DPY19L4: variants seen among roughly 807,000 people sequenced by gnomAD.
The protein encoded by DPY19L4 is dpy-19 like 4.
In DPY19L4, 97 loss-of-function variants were observed where a neutral mutation model predicts 102.8. The observed-to-expected ratio is 0.94, with a 90% CI of 0.80 to 1.12. The LOEUF is 1.12. Ranked by LOEUF, DPY19L4 falls within the 50% of genes most tolerant of loss-of-function variation. DPY19L4 has a pLI of 0.00. For missense variants in DPY19L4, 815 were observed against 850.4 expected, an observed-to-expected ratio of 0.96 and a Z score of 0.52; for synonymous variants, 252 against 283.1, an observed-to-expected ratio of 0.89 and a Z score of 1.10.
At chr8:94,723,924 G>T (rs1448819438) in intron 1 of DPY19L4, among the ~76,000 whole-genome samples, 1 of 152,126 alleles carries the variant, frequency 6.6e-6, no homozygotes, top group Non-Finnish European at 1.5e-5. Flanking sequence ...TGATTGTTGA[G>T]ATTTGTATAC....
intron 8 of DPY19L4, among the ~76,000 whole-genome samples, chr8:94,762,999 A>G (rs1226379890): frequency 6.7e-6 from 1 of 150,200 alleles, no homozygotes; most frequent in Non-Finnish European, 1.5e-5. Flanking sequence ...CCCAGGCTGG[A>G]GTGCGGTGGC....
Position 94,790,191 on chromosome 8 carries a change from C to T in DPY19L4, c.*281C>T. 1 of 213,278 alleles carries T rather than the reference C, an allele frequency of 4.7e-6. No homozygotes were observed. The allele number at this position is 213,278 out of a possible 1,614,324, so 13.2% of individuals were successfully genotyped here. On this transcript the variant is annotated 3_prime_UTR_variant, in exon 19 of 19. Coordinates refer to ENST00000414645, the MANE Select transcript of DPY19L4 (RefSeq NM_181787.3). ...CTTTTACTGATTGCAATATTTTCCC[C>T]ATAAAATCTTCATTCTATTATAATA... is the stretch of plus-strand genomic sequence containing the variant.
At chr8:94,752,702 T>C (rs549837923) in intron 6 of DPY19L4, among the ~76,000 whole-genome samples, 1 of 141,342 alleles carries the variant, frequency 7.1e-6, no homozygotes, top group South Asian at 2.3e-4. Context: ...TCTCGCTCTG[T>C]CACCCAGGCT....
chr8:94,778,655 GTTTTTC>G (rs147719415), intron 14 of DPY19L4, among the ~76,000 whole-genome samples: 2,654 of 151,388 alleles, frequency 0.018, 62 homozygotes, highest in African/African-American at 0.055. Flanking sequence ...ACTCAATTCT[GTTTTTC>G]TTTTTCTTTC....
intron 1 of DPY19L4, among the ~76,000 whole-genome samples, chr8:94,724,781 T>A (rs1485808777): frequency 6.6e-6 from 1 of 152,128 alleles, no homozygotes; most frequent in Non-Finnish European, 1.5e-5. Flanking sequence ...AGAGACAGGG[T>A]TTCACCATAT....
rs879569388 is a variant in DPY19L4 at position 94,789,779 on chromosome 8, T to C, written c.2041T>C (p.Ser681Pro). ...TGAAGAAGGTGACAAGCTAACCTAC[T>C]CAAAATATGGGCGATTTTGTCATGA... ...VCEEGDKLTY[S>P]KYGRFCHEVK... Residue 681 changes from serine (S) to proline (P), a missense_variant, in exon 19 of 19, where the codon TCA (serine) becomes CCA (proline). Coordinates refer to ENST00000414645, the MANE Select transcript of DPY19L4 (RefSeq NM_181787.3). 4.3e-6 allele frequency: 7 copies of C among 1,610,476 alleles called. No individual in the cohort carries two copies. The African/African-American group carries it at 5.3e-5, about 12-fold the overall frequency.
chr8:94,739,048 T>G (rs1458015703), intron 4 of DPY19L4, among the ~76,000 whole-genome samples: 1 of 152,322 alleles, frequency 6.6e-6, no homozygotes, highest in African/African-American at 2.4e-5. Context: ...TTTGAAAATA[T>G]ACACTAAATT....
intron 13 of DPY19L4, among the ~76,000 whole-genome samples, chr8:94,773,357 T>A (rs1431656492): frequency 6.6e-6 from 1 of 152,218 alleles, no homozygotes; most frequent in Non-Finnish European, 1.5e-5. Flanking sequence ...AGTTTGGAGC[T>A]TTAAATTCTT....
At chr8:94,723,317 CA>C (rs1191365693) in intron 1 of DPY19L4, among the ~76,000 whole-genome samples, 1 of 151,966 alleles carries the variant, frequency 6.6e-6, no homozygotes. Flanking sequence ...ACTAAAAATA[CA>C]AAAAATTAGC....
At chr8:94,771,912 A>T (rs1462811725) in intron 13 of DPY19L4, among the ~76,000 whole-genome samples, 1 of 152,184 alleles carries the variant, frequency 6.6e-6, no homozygotes, top group East Asian at 1.9e-4. Flanking sequence ...ATGTTCAATA[A>T]GGTAGAATTT....
chr8:94,745,357 A>G (rs1811627010), intron 6 of DPY19L4, among the ~76,000 whole-genome samples: 1 of 152,146 alleles, frequency 6.6e-6, no homozygotes, highest in Non-Finnish European at 1.5e-5. Flanking sequence ...TGATCTTCTC[A>G]TCTACAAATA....
At chr8:94,750,668 A>ATTC (rs1195725087) in intron 6 of DPY19L4, among the ~76,000 whole-genome samples, 1 of 152,174 alleles carries the variant, frequency 6.6e-6, no homozygotes, top group African/African-American at 2.4e-5. Context: ...TAATTGACAT[A>ATTC]GAATGAACTG....
In DPY19L4 at chr8:94,792,382, G is replaced by A. The variant is rs1336129351; in HGVS notation, c.*2472G>A. 1 of 151,884 alleles carries A rather than the reference G, an allele frequency of 6.6e-6. No homozygotes were observed. The highest frequency in any genetic ancestry group is 1.5e-5 in the Non-Finnish European group (1 of 68,048). The allele number at this position is 151,884 out of a possible 1,614,324, so 9.4% of individuals were successfully genotyped here. On this transcript the variant is annotated 3_prime_UTR_variant, in exon 19 of 19. Transcript: ENST00000414645. ...CCTGCCTCAGCCTCCGGAGTAGCTG[G>A]GATTACAGGCACCTGCCACCAAGCA...
rs1813928759 is a variant in DPY19L4 at position 94,793,083 on chromosome 8, T to TC, written c.*3173_*3174insC. ...TATGCATTGTACTTCAGTGCTAACTTTTTTCTTCATTTACTTTCTGTGTAT... is the reference window on the plus strand; with the variant it reads ...TATGCATTGTACTTCAGTGCTAACTTCTTTTCTTCATTTACTTTCTGTGTAT... On this transcript the variant is annotated 3_prime_UTR_variant, in exon 19 of 19. Coordinates refer to ENST00000414645, the MANE Select transcript of DPY19L4 (RefSeq NM_181787.3). 3 of 152,210 alleles carry TC rather than the reference T, an allele frequency of 2.0e-5. No individual in the cohort carries two copies. Among genetic ancestry groups the TC allele is most frequent in the African/African-American group, 7.2e-5 (3 of 41,448 alleles). The allele number at this position is 152,210 out of a possible 1,614,324, so 9.4% of individuals were successfully genotyped here. A position where few individuals can be genotyped will look rare whatever the true frequency, so the allele number is the denominator to read the frequency against.
intron 8 of DPY19L4, among the ~76,000 whole-genome samples, chr8:94,763,069 C>G (rs1330397510): frequency 1.3e-5 from 2 of 151,522 alleles, no homozygotes; most frequent in Admixed American, 1.3e-4. Flanking sequence ...CTGCCTTAGC[C>G]TCCCGAGTAG....
chr8:94,763,429 C>T (rs1812487227), intron 8 of DPY19L4, among the ~76,000 whole-genome samples: 1 of 151,834 alleles, frequency 6.6e-6, no homozygotes, highest in Non-Finnish European at 1.5e-5. Context: ...CAACCTCCGC[C>T]TCCCAGGCTC....
rs1563601461 is a variant in DPY19L4 at position 94,764,728 on chromosome 8, T to TTTTTTTTTC, written c.871-447_871-446insCTTTTTTTT. Among the ~76,000 whole-genome samples the TTTTTTTTTC allele has an allele frequency of 2.0e-4, 20 of 97,576 alleles. 1 individual carries two copies. The highest frequency in any genetic ancestry group is 8.7e-4 in the African/African-American group (19 of 21,730). 64.0% of individuals were successfully genotyped at this position (97,576 alleles called of 152,430 possible). A position where few individuals can be genotyped will look rare whatever the true frequency, so the allele number is the denominator to read the frequency against. On this transcript the variant is annotated intron_variant, in intron 8 of 18. Coordinates refer to ENST00000414645, the MANE Select transcript of DPY19L4 (RefSeq NM_181787.3). ...ATATATATATATATATTTTTTTTTT[T>TTTTTTTTTC]TTTTTTTTTTTTTTGTCCTGAGACA...
At chr8:94,747,929 T>C (rs919546903) in intron 6 of DPY19L4, among the ~76,000 whole-genome samples, 6 of 152,224 alleles carry the variant, frequency 3.9e-5, no homozygotes, top group African/African-American at 1.4e-4. Context: ...TGCAGAACCC[T>C]GTGAATGTAT....
chr8:94,768,385 T>C lies in DPY19L4; in HGVS notation c.1176-10T>C, dbSNP rs776178817. 1 of 1,583,640 alleles carries C rather than the reference T, an allele frequency of 6.3e-7. No individual in the cohort carries two copies. Among genetic ancestry groups the C allele is most frequent in the Admixed American group, 2.0e-5 (1 of 50,876 alleles). The stretch of plus-strand genomic sequence containing the variant: ...TATGAATTTAATATCATACTTTTTG[T>C]CTTCTATAGGAATTTTACAATGAAT... On this transcript the variant is annotated splice_polypyrimidine_tract_variant and intron_variant, in intron 11 of 18. Transcript: ENST00000414645.
Sources: gnomAD v4.1 joint callset for allele counts (sites outside exome capture counted in the v4.1 genomes callset) on GRCh38, gnomAD v4.1.1 for gene constraint, MANE v1.5 for transcripts, NCBI Gene and HGNC (gene_info 2026-07-23, HGNC 2026-07-21) for gene names.